RASAL2: variants seen among roughly 807,000 people sequenced by gnomAD.
The protein encoded by RASAL2 is ras GTPase-activating protein nGAP.
In RASAL2, 58 loss-of-function variants were observed where a neutral mutation model predicts 128.9. That is an observed-to-expected ratio of 0.45 (90% CI 0.36 to 0.56). The LOEUF is 0.56. Ranked by LOEUF, RASAL2 falls within the 20% of genes least tolerant of loss-of-function variation. The probability of loss-of-function intolerance (pLI) is 0.00; values close to 1 mark genes in which losing one functional copy is unlikely to be tolerated. For missense variants in RASAL2, 1,360 were observed against 1,601.6 expected (o/e 0.85, Z 2.57); for synonymous variants, 561 against 580.8 (o/e 0.97, Z 0.49).
intron 1 of RASAL2, among the ~76,000 whole-genome samples, chr1:178,235,040 A>G (rs1664170151): frequency 6.6e-6 from 1 of 152,118 alleles, no homozygotes; most frequent in African/African-American, 2.4e-5. Context: ...CTCTTGGCAA[A>G]TAGATAATTA....
chr1:178,381,106 G>A (rs1672259274), intron 3 of RASAL2, among the ~76,000 whole-genome samples: 1 of 152,174 alleles, frequency 6.6e-6, no homozygotes. Context: ...GAGGCAAATT[G>A]TAGAAAACTG....
intron 1 of RASAL2, among the ~76,000 whole-genome samples, chr1:178,247,064 G>T (rs1664797762): frequency 6.6e-6 from 1 of 152,172 alleles, no homozygotes; most frequent in African/African-American, 2.4e-5. Context: ...TTGGAATCAG[G>T]ATGATGCTGG....
Position 178,439,452 on chromosome 1 carries a change from A to G in RASAL2, c.705A>G (p.Ser235=). Residue 235 remains serine, a synonymous_variant, in exon 6 of 18, where the codon TCA becomes TCG. Transcript: ENST00000367649. ...RSRGLPKLKE[S]RSHESLLSPC... is the part of the protein sequence containing the mutation. ...GTGGGCTGCCTAAACTAAAAGAGTC[A>G]CGTTCCCATGAATCCTTGCTGAGCC... 1.2e-6 allele frequency: 2 copies of G among 1,611,672 alleles called. No homozygotes were observed. The highest frequency in any genetic ancestry group is 1.7e-6 in the Non-Finnish European group (2 of 1,178,842).
Position 178,457,980 on chromosome 1 carries a change from T to G in RASAL2, c.2688T>G (p.Thr896=). 2 of 1,613,910 alleles carry G rather than the reference T, an allele frequency of 1.2e-6. No individual in the cohort carries two copies. The highest frequency in any genetic ancestry group is 2.7e-5 in the African/African-American group (2 of 74,960). The change falls in exon 14 of 18, where the codon ACT becomes ACG. Residue 896 remains threonine (T), a synonymous_variant. Coordinates refer to ENST00000367649, the MANE Select transcript of RASAL2 (RefSeq NM_170692.4). The part of the protein sequence containing the change: ...SIKQLRETQS[T]PQSAPQVRRP... ...AACAGCTGCGGGAAACCCAGAGCAC[T>G]CCCCAAAGTGCACCCCAAGTGAGAA...
intron 1 of RASAL2, among the ~76,000 whole-genome samples, chr1:178,109,177 C>T (rs780078572): frequency 1.3e-4 from 20 of 152,194 alleles, no homozygotes; most frequent in African/African-American, 4.8e-5. Flanking sequence ...AAAGAGAATT[C>T]ACTTTCACAG....
At chr1:178,096,709 C>T (rs1658704712) in intron 1 of RASAL2, among the ~76,000 whole-genome samples, 1 of 151,780 alleles carries the variant, frequency 6.6e-6, no homozygotes, top group South Asian at 2.1e-4. Context: ...TTTTTGTGAC[C>T]AATTGCAGAC....
Position 178,427,471 on chromosome 1 carries a change from T to C in RASAL2, c.674+6851T>C, listed in dbSNP as rs577795133. Among the ~76,000 whole-genome samples the C allele has an allele frequency of 8.5e-5, 13 of 152,316 alleles. No homozygotes were observed. In the South Asian group the frequency reaches 2.5e-3, roughly 29 times the overall value. ...ACTAACAAAGTATGGTTTTAAGTAGTCTACTTTTTCTTTGTCAAAAGATAC... is the reference window on the plus strand; with the variant it reads ...ACTAACAAAGTATGGTTTTAAGTAGCCTACTTTTTCTTTGTCAAAAGATAC... On this transcript the variant is annotated intron_variant, in intron 5 of 17. Coordinates refer to ENST00000367649, the MANE Select transcript of RASAL2 (RefSeq NM_170692.4).
intron 1 of RASAL2, among the ~76,000 whole-genome samples, chr1:178,245,458 A>G (rs1571695430): frequency 6.6e-6 from 1 of 152,142 alleles, no homozygotes; most frequent in East Asian, 1.9e-4. Context: ...AGTTCCTTGT[A>G]GATTCTGGGT....
intron 4 of RASAL2, among the ~76,000 whole-genome samples, chr1:178,416,205 T>C (rs979520325): frequency 6.6e-6 from 1 of 152,128 alleles, no homozygotes; most frequent in East Asian, 1.9e-4. Flanking sequence ...TTCTCTCCTT[T>C]CTTAGCATAT....
chr1:178,326,696 C>T (rs1669055059), intron 3 of RASAL2, among the ~76,000 whole-genome samples: 1 of 152,160 alleles, frequency 6.6e-6, no homozygotes, highest in African/African-American at 2.4e-5. Flanking sequence ...AGGCATGTGC[C>T]ACCATGCCCG....
intron 1 of RASAL2, among the ~76,000 whole-genome samples, chr1:178,280,473 A>G (rs1486202900): frequency 6.6e-6 from 1 of 152,078 alleles, no homozygotes; most frequent in African/African-American, 2.4e-5. Flanking sequence ...AATTTCTAAC[A>G]TGGTAAATAT....
intron 5 of RASAL2, among the ~76,000 whole-genome samples, chr1:178,429,306 A>T (rs1675732443): frequency 6.6e-6 from 1 of 152,074 alleles, no homozygotes; most frequent in Admixed American, 6.6e-5. Flanking sequence ...TTAGTTGGTC[A>T]TTTCTCATCA....
chr1:178,163,094 C>T (rs1358113956), intron 1 of RASAL2, among the ~76,000 whole-genome samples: 1 of 151,872 alleles, frequency 6.6e-6, no homozygotes, highest in African/African-American at 2.4e-5. Context: ...CCTCAGCCTC[C>T]CGAGTAGCTG....
At chr1:178,454,727 T>C in intron 12 of RASAL2, 79 bp downstream of exon 12, 1 of 1,253,100 alleles carries the variant, frequency 8.0e-7, no homozygotes, top group East Asian at 2.3e-5. Context: ...TAGCACTCAC[T>C]CTTTCTGCTA....
Position 178,121,406 on chromosome 1 carries a change from G to T in RASAL2, c.202+26712G>T, listed in dbSNP as rs186321978. 2.0e-5 allele frequency among the ~76,000 whole-genome samples: 3 copies of T among 152,190 alleles called. No homozygotes were observed. In the East Asian group the frequency reaches 5.8e-4, roughly 29 times the overall value. ...GCTAAAATAGGTTGTGATTTGCTCA[G>T]TTAGAGACTAATCCAGTGGTTGATT... On this transcript the variant is annotated intron_variant, in intron 1 of 17. Transcript: ENST00000367649.
intron 12 of RASAL2, among the ~76,000 whole-genome samples, 175 bp downstream of exon 12, chr1:178,454,823 C>G (rs931170256): frequency 6.6e-6 from 1 of 152,064 alleles, no homozygotes; most frequent in African/African-American, 2.4e-5. Flanking sequence ...CCATGAAACT[C>G]TAGAAAACCA....
At position 178,186,638 on chromosome 1, in the gene RASAL2, A is replaced by C. The variant is rs1439008752; in HGVS notation, c.202+91944A>C. Among the ~76,000 whole-genome samples the C allele has an allele frequency of 3.3e-5, 5 of 151,506 alleles. No homozygotes were observed. The South Asian group carries it at 6.3e-4, about 19-fold the overall frequency. On this transcript the variant is annotated intron_variant, in intron 1 of 17. Coordinates refer to ENST00000367649, the MANE Select transcript of RASAL2 (RefSeq NM_170692.4). ...ATTTGTTCCCCTGCATGTAATACTT[A>C]CCCTCCTCTGGCTGTTATTATTATT...
intron 3 of RASAL2, among the ~76,000 whole-genome samples, chr1:178,380,883 C>G (rs1234216646): frequency 6.6e-6 from 1 of 151,738 alleles, no homozygotes; most frequent in East Asian, 1.9e-4. Context: ...AGTTTGGTAC[C>G]CAAAACTAAA....
chr1:178,259,580 T>A (rs1404272090), intron 1 of RASAL2, among the ~76,000 whole-genome samples: 1 of 152,166 alleles, frequency 6.6e-6, no homozygotes, highest in East Asian at 1.9e-4. Flanking sequence ...ACTACATGTT[T>A]TGTTTTGTTT....
Sources: gnomAD v4.1 joint callset for allele counts (sites outside exome capture counted in the v4.1 genomes callset) on GRCh38, gnomAD v4.1.1 for gene constraint, MANE v1.5 for transcripts, NCBI Gene and HGNC (gene_info 2026-07-23, HGNC 2026-07-21) for gene names.